ASIC2: variants seen among roughly 807,000 people sequenced by gnomAD.
ASIC2 encodes the protein acid-sensing ion channel 2.
Under a neutral mutation model 57.3 loss-of-function variants are expected in ASIC2, and 25 were observed. That is an observed-to-expected ratio of 0.44 (90% CI 0.32 to 0.61). The LOEUF (loss-of-function observed/expected upper bound fraction) is 0.61, where lower values mean the gene tolerates loss of function less well. ASIC2 is among the 20% of genes least tolerant of loss of function. ASIC2 has a pLI of 0.06. For missense variants in ASIC2, 641 were observed against 738.1 expected (o/e 0.87, Z 1.52); for synonymous variants, 319 against 307.5 (o/e 1.04, Z -0.39).
chr17:33,785,997 T>C (rs60893097), intron 1 of ASIC2, among the ~76,000 whole-genome samples: 6,489 of 152,290 alleles, frequency 0.043, 174 homozygotes, highest in Middle Eastern at 0.092. Flanking sequence ...CTATGTTCCA[T>C]TCTCCCAGTG....
chr17:33,266,240 TC>T (rs1286227449), intron 1 of ASIC2, among the ~76,000 whole-genome samples: 2 of 152,002 alleles, frequency 1.3e-5, no homozygotes, highest in East Asian at 3.9e-4. Context: ...GTTTTTATCC[TC>T]CCCCCATCCA....
intron 3 of ASIC2, among the ~76,000 whole-genome samples, chr17:33,060,470 T>C (rs1321067094): frequency 6.6e-6 from 1 of 152,122 alleles, no homozygotes; most frequent in Non-Finnish European, 1.5e-5. Flanking sequence ...TGAAATAGTG[T>C]AGATGTGTGG....
chr17:33,404,660 T>G (rs1910405203), intron 1 of ASIC2, among the ~76,000 whole-genome samples: 1 of 152,232 alleles, frequency 6.6e-6, no homozygotes, highest in Non-Finnish European at 1.5e-5. Context: ...GGACAACATA[T>G]GCATCCTGTT....
At chr17:33,878,220 C>T (rs1278361852) in intron 1 of ASIC2, among the ~76,000 whole-genome samples, 1 of 152,206 alleles carries the variant, frequency 6.6e-6, no homozygotes, top group African/African-American at 2.4e-5. Flanking sequence ...TCCAAAGGAA[C>T]ACACCTCCTC....
intron 1 of ASIC2, among the ~76,000 whole-genome samples, chr17:33,381,037 G>T (rs1376991799): frequency 3.9e-5 from 6 of 152,206 alleles, no homozygotes; most frequent in Non-Finnish European, 5.9e-5. Context: ...CTCACAGTTC[G>T]AGATGGCAGG....
intron 1 of ASIC2, among the ~76,000 whole-genome samples, chr17:33,962,465 G>A (rs112022758): frequency 5.6e-4 from 86 of 152,298 alleles, no homozygotes; most frequent in African/African-American, 1.9e-3. Context: ...GGCTCAGTCC[G>A]TTCTTCATCC....
At chr17:34,129,091 G>T (rs1027232453) in intron 1 of ASIC2, among the ~76,000 whole-genome samples, 8 of 152,184 alleles carry the variant, frequency 5.3e-5, no homozygotes, top group Non-Finnish European at 1.2e-4. Flanking sequence ...ACGGGCTCAT[G>T]AACTATGAGA....
intron 1 of ASIC2, among the ~76,000 whole-genome samples, chr17:34,093,783 C>T (rs759601961): frequency 6.6e-5 from 10 of 152,168 alleles, no homozygotes; most frequent in Non-Finnish European, 1.2e-4. Context: ...TAAGACCACC[C>T]GTCACTTGGT....
In ASIC2 at chr17:33,255,028, C is replaced by CTTTTT. The variant is rs1173076413; in HGVS notation, c.708+36375_708+36379dup. 5.4e-3 allele frequency among the ~76,000 whole-genome samples: 403 copies of CTTTTT among 73,976 alleles called. 10 individuals carry two copies. The highest frequency in any genetic ancestry group is 0.05 in the Middle Eastern group (2 of 40). 48.5% of individuals were successfully genotyped at this position (73,976 alleles called of 152,430 possible). A position where few individuals can be genotyped will look rare whatever the true frequency, so the allele number is the denominator to read the frequency against. On this transcript the variant is annotated intron_variant, in intron 1 of 9. Coordinates refer to ENST00000225823, the MANE Select transcript of ASIC2 (RefSeq NM_183377.2). ...GACAAAATGCTATTTAGAAAGAAATCTTTTTTTTTTTTTTTTTTTTTTTTT... is the reference window on the plus strand; with the variant it reads ...GACAAAATGCTATTTAGAAAGAAATCTTTTTTTTTTTTTTTTTTTTTTTTTTTTTT...
At chr17:33,697,086 C>T (rs1040775468) in intron 1 of ASIC2, among the ~76,000 whole-genome samples, 1 of 152,146 alleles carries the variant, frequency 6.6e-6, no homozygotes, top group African/African-American at 2.4e-5. Context: ...CTCCCTACTC[C>T]TACTCCTGCT....
chr17:34,014,822 C>T (rs532263818), intron 1 of ASIC2, among the ~76,000 whole-genome samples: 91 of 152,282 alleles, frequency 6.0e-4, no homozygotes, highest in African/African-American at 2.2e-3. Context: ...GTGTTAGGTA[C>T]TCACTCACAA....
rs898756726 is a variant in ASIC2, at chr17:33,051,423, C to A, written c.988-23031G>T. On this transcript the variant is annotated intron_variant, in intron 3 of 9. Coordinates refer to ENST00000225823, the MANE Select transcript of ASIC2 (RefSeq NM_183377.2). ...TGATCCCATACACTGCAAGCTAGAC[C>A]CCTGAATTGACTATCACAATATTCA... is the stretch of plus-strand genomic sequence containing the variant. 2.0e-5 allele frequency among the ~76,000 whole-genome samples: 3 copies of A among 152,120 alleles called. No homozygotes were observed. The East Asian group carries it at 5.8e-4, about 29-fold the overall frequency.
chr17:33,768,816 AG>A (rs1911010256), intron 1 of ASIC2, among the ~76,000 whole-genome samples: 1 of 152,044 alleles, frequency 6.6e-6, no homozygotes, highest in Admixed American at 6.6e-5. Context: ...CAGTCGGTAG[AG>A]GGGAAACAGC....
In ASIC2 at chr17:34,103,517, GTT is replaced by G. The variant is rs533025295; in HGVS notation, c.555+52459_555+52460del. Among the ~76,000 whole-genome samples the G allele has an allele frequency of 1.2e-3, 184 of 151,652 alleles. 1 individual carries two copies. The highest frequency in any genetic ancestry group is 2.3e-3 in the Non-Finnish European group (155 of 67,918). The stretch of plus-strand genomic sequence containing the variant: ...TTTATTTTATTTCAGAGTTTTCAGA[GTT>G]TTGTCTTAACATTTTTCGTTATCCT... On this transcript the variant is annotated intron_variant, in intron 1 of 9. Coordinates refer to the ASIC2 transcript ENST00000359872.
intron 1 of ASIC2, chr17:34,072,271 C>T (rs956826663): frequency 5.3e-5 from 8 of 152,300 alleles, no homozygotes; most frequent in Non-Finnish European, 8.8e-5. Context: ...CAGTCTCCGT[C>T]GTGTGGCTCC....
At chr17:33,917,333 C>G (rs1915605644) in intron 1 of ASIC2, among the ~76,000 whole-genome samples, 1 of 152,140 alleles carries the variant, frequency 6.6e-6, no homozygotes, top group African/African-American at 2.4e-5. Context: ...TCCCCAGAAC[C>G]CTCAATCCCA....
chr17:33,297,491 GT>G (rs1422849004), upstream of ASIC2, among the ~76,000 whole-genome samples: 1 of 152,110 alleles, frequency 6.6e-6, no homozygotes, highest in African/African-American at 2.4e-5. Flanking sequence ...TTTTAGGGCT[GT>G]TATGCAAATG....
At chr17:33,959,936 C>T (rs1904865414) in intron 1 of ASIC2, among the ~76,000 whole-genome samples, 1 of 152,216 alleles carries the variant, frequency 6.6e-6, no homozygotes. Flanking sequence ...AGTGATAGAG[C>T]CCAATGTCTC....
intron 1 of ASIC2, among the ~76,000 whole-genome samples, chr17:33,920,402 T>C (rs73274529): frequency 0.014 from 2,148 of 152,266 alleles, 46 homozygotes; most frequent in African/African-American, 0.048. Flanking sequence ...TCATGTCCTT[T>C]GCAGCAACAT....
Sources: allele counts gnomAD v4.1 joint callset (sites outside exome capture counted in the v4.1 genomes callset), GRCh38; gene constraint gnomAD v4.1.1; transcripts MANE v1.5; gene names NCBI Gene and HGNC (gene_info 2026-07-23, HGNC 2026-07-21).